Variants in TAFA5 observed in about 807,000 individuals in gnomAD.
The protein encoded by TAFA5 is chemokine-like protein TAFA-5.
In TAFA5, 6 loss-of-function variants were observed where a neutral mutation model predicts 15.3. That is an observed-to-expected ratio of 0.39 (90% CI 0.21 to 0.77). The LOEUF (loss-of-function observed/expected upper bound fraction) is 0.77, where lower values mean the gene tolerates loss of function less well. Among genes scored for constraint, TAFA5 ranks in the 30% least tolerant of loss-of-function variants. TAFA5 has a pLI of 0.41. For missense variants in TAFA5, 161 were observed against 193.1 expected, an observed-to-expected ratio of 0.83 and a Z score of 0.98; for synonymous variants, 103 against 80.7, an observed-to-expected ratio of 1.28 and a Z score of -1.48.
At chr22:48,672,103 G>C (rs1302111052) in intron 2 of TAFA5, among the ~76,000 whole-genome samples, 1 of 152,232 alleles carries the variant, frequency 6.6e-6, no homozygotes, top group Non-Finnish European at 1.5e-5. Flanking sequence ...ACCAAGCTCA[G>C]CTGATATTGA....
At chr22:48,723,574 G>A (rs1248419736) in intron 3 of TAFA5, among the ~76,000 whole-genome samples, 11 of 152,286 alleles carry the variant, frequency 7.2e-5, no homozygotes, top group Admixed American at 1.3e-4. Context: ...CCAGGGATGC[G>A]GCCATTGTAC....
rs1224023874 is a variant in TAFA5 at position 48,697,634 on chromosome 22, G to A, written c.263-10083G>A. On this transcript the variant is annotated intron_variant, in intron 2 of 3. Coordinates refer to ENST00000402357, the MANE Select transcript of TAFA5 (RefSeq NM_001082967.3). ...TGATGATGGTGATGAAGACAGTATG[G>A]TAGTGTTGGTGATGATGGTAATGGT... 2.0e-5 allele frequency among the ~76,000 whole-genome samples: 3 copies of A among 150,440 alleles called. No homozygotes were observed. In the East Asian group the frequency reaches 5.9e-4, roughly 30 times the overall value.
intron 1 of TAFA5, among the ~76,000 whole-genome samples, chr22:48,599,766 T>C (rs1401994856): frequency 6.6e-6 from 1 of 152,220 alleles, no homozygotes; most frequent in Admixed American, 6.5e-5. Flanking sequence ...GCACTGCCGA[T>C]GTTTGAGGCA....
chr22:48,570,545 CATGCGTG>C (rs1241980340), intron 1 of TAFA5, among the ~76,000 whole-genome samples: 1 of 152,208 alleles, frequency 6.6e-6, no homozygotes, highest in African/African-American at 2.4e-5. Context: ...TTAGTTTCAA[CATGCGTG>C]ATGTCAGCAG....
At chr22:48,615,265 C>T (rs1015027614) in intron 1 of TAFA5, among the ~76,000 whole-genome samples, 1 of 152,186 alleles carries the variant, frequency 6.6e-6, no homozygotes, top group African/African-American at 2.4e-5. Flanking sequence ...GCCTTTGTGC[C>T]AGCAGAACTG....
At chr22:48,500,700 A>G (rs1302045323) in intron 1 of TAFA5, among the ~76,000 whole-genome samples, 1 of 152,246 alleles carries the variant, frequency 6.6e-6, no homozygotes, top group Non-Finnish European at 1.5e-5. Context: ...GTGAGTCACC[A>G]GTATCTAGCT....
At chr22:48,747,261 C>T (rs1002320567) in intron 3 of TAFA5, among the ~76,000 whole-genome samples, 10 of 152,300 alleles carry the variant, frequency 6.6e-5, no homozygotes, top group Admixed American at 4.6e-4. Flanking sequence ...AGCCTGAGTC[C>T]CTGATGTTCT....
At chr22:48,749,087 G>A (rs1367749773) in intron 3 of TAFA5, among the ~76,000 whole-genome samples, 1 of 152,166 alleles carries the variant, frequency 6.6e-6, no homozygotes, top group Non-Finnish European at 1.5e-5. Flanking sequence ...GGTCTGTGTC[G>A]ACATGGGGAC....
At chr22:48,511,719 C>T (rs1365709469) in intron 1 of TAFA5, among the ~76,000 whole-genome samples, 1 of 152,248 alleles carries the variant, frequency 6.6e-6, no homozygotes, top group Non-Finnish European at 1.5e-5. Context: ...GGCCCTGACG[C>T]AGGCCCATCT....
At chr22:48,703,922 G>A (rs1928996363) in intron 2 of TAFA5, among the ~76,000 whole-genome samples, 1 of 152,228 alleles carries the variant, frequency 6.6e-6, no homozygotes, top group Non-Finnish European at 1.5e-5. Context: ...ACATCTCCCT[G>A]TTGCAGTTGA....
chr22:48,505,993 T>G (rs1018514531), intron 1 of TAFA5, among the ~76,000 whole-genome samples: 2 of 152,066 alleles, frequency 1.3e-5, no homozygotes, highest in African/African-American at 2.4e-5. Context: ...CAGAACTCAC[T>G]CCCAGGAGCC....
At chr22:48,518,724 C>G (rs1449889337) in intron 1 of TAFA5, among the ~76,000 whole-genome samples, 2 of 152,148 alleles carry the variant, frequency 1.3e-5, no homozygotes, top group Non-Finnish European at 2.9e-5. Context: ...AACAGGTCCC[C>G]TAAGGTCACG....
chr22:48,602,055 A>C (rs990873723), intron 1 of TAFA5, among the ~76,000 whole-genome samples: 2 of 152,182 alleles, frequency 1.3e-5, no homozygotes, highest in African/African-American at 4.8e-5. Context: ...GGCTGGCACC[A>C]GCCTTCATCA....
intron 1 of TAFA5, among the ~76,000 whole-genome samples, chr22:48,607,282 G>T (rs28475495): frequency 0.51 from 52,166 of 101,974 alleles, 12,829 homozygotes; most frequent in South Asian, 0.54. Flanking sequence ...CCTCAGCCTG[G>T]AGCAGATCTG....
rs986612670 is a variant in TAFA5 at position 48,490,458 on chromosome 22, G to A, written c.112+754G>A. On this transcript the variant is annotated intron_variant, in intron 1 of 3. Transcript: ENST00000402357. The surrounding 1 kb of genome is among the most constrained non-coding windows in gnomAD (Gnocchi z 5.8). ...GGCTCCCTGTTGCCTGGAGTGAAGG[G>A]TGGGGGGTGGCCTGTGCCCCTGCCG... Among the ~76,000 whole-genome samples the A allele has an allele frequency of 2.6e-5, 4 of 151,876 alleles. No individual in the cohort carries two copies. The highest frequency in any genetic ancestry group is 7.3e-5 in the African/African-American group (3 of 41,368).
intron 1 of TAFA5, among the ~76,000 whole-genome samples, chr22:48,501,893 C>T (rs915811259): frequency 1.3e-5 from 2 of 152,202 alleles, no homozygotes; most frequent in Admixed American, 1.3e-4. Flanking sequence ...TCTGAAACAG[C>T]AGGCAGAATG....
intron 3 of TAFA5, among the ~76,000 whole-genome samples, chr22:48,730,947 G>C (rs1246592158): frequency 6.6e-6 from 1 of 152,202 alleles, no homozygotes; most frequent in Non-Finnish European, 1.5e-5. Flanking sequence ...AAGTGATCGA[G>C]CTTCGTGAGG....
At position 48,646,738 on chromosome 22, in the gene TAFA5, G is replaced by T; in HGVS notation, c.254G>T (p.Cys85Phe). The T allele has an allele frequency of 1.3e-6, 2 of 1,579,120 alleles. No homozygotes were observed. Among genetic ancestry groups the T allele is most frequent in the Non-Finnish European group, 8.6e-7 (1 of 1,166,734 alleles). The stretch of plus-strand genomic sequence containing the variant: ...GGCACCACGAGAGCCCGGCCCGCCT[G>T]TGTGGACGGTAAGCACCCGTGGCCC... ...IAGTTRARPACVDARIIKTKQ... is the reference protein window; with the variant it reads ...IAGTTRARPAFVDARIIKTKQ... The change falls in exon 2 of 4, where the codon TGT (cysteine) becomes TTT (phenylalanine). Residue 85 changes from cysteine (C) to phenylalanine (F), a missense_variant. Transcript: ENST00000402357.
At chr22:48,674,737 T>G (rs1419118036) in intron 2 of TAFA5, among the ~76,000 whole-genome samples, 1 of 152,160 alleles carries the variant, frequency 6.6e-6, no homozygotes, top group Non-Finnish European at 1.5e-5. Flanking sequence ...CCACCTTAGC[T>G]TGCCCGTTGG....
Sources: allele counts gnomAD v4.1 joint callset (sites outside exome capture counted in the v4.1 genomes callset), GRCh38; gene constraint gnomAD v4.1.1; non-coding constraint Gnocchi (gnomAD v3.1); transcripts MANE v1.5; gene names NCBI Gene and HGNC (gene_info 2026-07-23, HGNC 2026-07-21).